The following ZNF827 variants were observed in gnomAD, a reference collection of about 807,000 sequenced individuals.
The protein encoded by ZNF827 is zinc finger protein 827.
A neutral mutation model predicts 102.4 loss-of-function variants in ZNF827; 13 were observed. That is an observed-to-expected ratio of 0.13 (90% CI 0.08 to 0.20). The LOEUF is 0.20. Ranked by LOEUF, ZNF827 falls within the 10% of genes least tolerant of loss-of-function variation. ZNF827 has a pLI of 1.00. For missense variants in ZNF827, 1,103 were observed against 1,344.4 expected (o/e 0.82, Z 2.81); for synonymous variants, 523 against 536.2 (o/e 0.98, Z 0.34).
intron 1 of ZNF827, among the ~76,000 whole-genome samples, chr4:145,925,031 A>C (rs1753327482): frequency 6.6e-6 from 1 of 152,202 alleles, no homozygotes; most frequent in African/African-American, 2.4e-5. Flanking sequence ...TCACAATCAC[A>C]GTGGAAGGCA....
chr4:145,834,152 A>G (rs1744569323), intron 7 of ZNF827, among the ~76,000 whole-genome samples: 1 of 152,180 alleles, frequency 6.6e-6, no homozygotes, highest in African/African-American at 2.4e-5. Flanking sequence ...GTAGTTCCAA[A>G]TAGCCAGAAA....
chr4:145,938,240 C>G (rs947720089), intron 1 of ZNF827, 125 bp downstream of exon 1: 4 of 1,184,372 alleles, frequency 3.4e-6, no homozygotes, highest in Admixed American at 1.7e-5. Context: ...CGGGCTGTGT[C>G]TTTGTCAGTT....
intron 8 of ZNF827, among the ~76,000 whole-genome samples, chr4:145,792,192 A>G (rs571853602): frequency 1.3e-5 from 2 of 152,302 alleles, no homozygotes; most frequent in East Asian, 1.9e-4. Flanking sequence ...TCATGGCCTC[A>G]GATCAAAATA....
At chr4:145,908,715 T>C (rs879488478) in intron 1 of ZNF827, among the ~76,000 whole-genome samples, 2 of 152,222 alleles carry the variant, frequency 1.3e-5, no homozygotes, top group Non-Finnish European at 2.9e-5. Flanking sequence ...GATCACCTAC[T>C]ATGTTCAGGG....
At chr4:145,843,487 C>T (rs958857862) in intron 7 of ZNF827, among the ~76,000 whole-genome samples, 1 of 152,222 alleles carries the variant, frequency 6.6e-6, no homozygotes, top group African/African-American at 2.4e-5. Context: ...CCAGCCAAGG[C>T]AGTTTAGGCT....
At chr4:145,814,769 CAAAAAAAA>C (rs773438540) in intron 8 of ZNF827, among the ~76,000 whole-genome samples, 6 of 74,364 alleles carry the variant, frequency 8.1e-5, no homozygotes, top group East Asian at 5.7e-4. Context: ...ACTAAAAATA[CAAAAAAAA>C]AAAAAAAAAA....
chr4:145,836,371 G>A (rs1744838993), intron 7 of ZNF827, among the ~76,000 whole-genome samples: 1 of 151,974 alleles, frequency 6.6e-6, no homozygotes, highest in African/African-American at 2.4e-5. Flanking sequence ...TACTGTTTTA[G>A]CCTAGCCCTC....
At chr4:145,854,610 T>G (rs1020498472) in intron 5 of ZNF827, among the ~76,000 whole-genome samples, 1 of 152,164 alleles carries the variant, frequency 6.6e-6, no homozygotes, top group Non-Finnish European at 1.5e-5. Context: ...CCCTCCCTAC[T>G]TCATCTCTGA....
At chr4:145,820,620 C>CA (rs1283406754) in intron 8 of ZNF827, among the ~76,000 whole-genome samples, 3 of 152,172 alleles carry the variant, frequency 2.0e-5, no homozygotes, top group African/African-American at 7.2e-5. Context: ...ATTCAACGTG[C>CA]TTATTAGCAA....
intron 8 of ZNF827, chr4:145,820,080 T>G (rs2126470259): frequency 6.5e-6 from 1 of 152,768 alleles, no homozygotes; most frequent in Admixed American, 6.5e-5. Flanking sequence ...CACTGCTGGC[T>G]TCCTTCTCCA....
At chr4:145,772,013 T>C (rs1389616128) in intron 11 of ZNF827, among the ~76,000 whole-genome samples, 3 of 152,346 alleles carry the variant, frequency 2.0e-5, no homozygotes, top group South Asian at 2.1e-4. Context: ...ATACTACTTA[T>C]GGTACCATAG....
intron 11 of ZNF827, among the ~76,000 whole-genome samples, chr4:145,769,189 A>G (rs1302833047): frequency 6.6e-6 from 1 of 151,996 alleles, no homozygotes; most frequent in African/African-American, 2.4e-5. Context: ...TAGAACTGCA[A>G]GTATGTGACC....
At chr4:145,778,290 C>T (rs1737408956) in intron 9 of ZNF827, among the ~76,000 whole-genome samples, 1 of 152,146 alleles carries the variant, frequency 6.6e-6, no homozygotes, top group African/African-American at 2.4e-5. Flanking sequence ...TGCACCACCA[C>T]ATCCGTCTAA....
intron 7 of ZNF827, among the ~76,000 whole-genome samples, chr4:145,837,794 CA>C (rs1560982084): frequency 1.3e-5 from 2 of 151,866 alleles, no homozygotes. Flanking sequence ...TCAATTCATA[CA>C]AAACCGTATC....
intron 5 of ZNF827, among the ~76,000 whole-genome samples, chr4:145,857,362 T>C (rs961435384): frequency 1.3e-5 from 2 of 152,232 alleles, no homozygotes; most frequent in African/African-American, 4.8e-5. Flanking sequence ...GGAATTTCTT[T>C]CTGGGGTACA....
intron 5 of ZNF827, among the ~76,000 whole-genome samples, chr4:145,862,184 G>T (rs1310682807): frequency 6.6e-6 from 1 of 152,186 alleles, no homozygotes; most frequent in Non-Finnish European, 1.5e-5. Flanking sequence ...GTAACAGCAG[G>T]TATGGCCAGA....
rs757302022 is a variant in ZNF827, at chr4:145,903,227, T to A, written c.44-12A>T. On this transcript the variant is annotated splice_polypyrimidine_tract_variant and intron_variant, in intron 1 of 14. Coordinates refer to ENST00000508784, the MANE Select transcript of ZNF827 (RefSeq NM_001306215.2). ...CTGCCTACTAACATCTGGGGAGAAT[T>A]AAGAAGATCAGGTTTACTCCCAAAG... The A allele has an allele frequency of 1.4e-5, 22 of 1,594,118 alleles. No individual in the cohort carries two copies. Among genetic ancestry groups the A allele is most frequent in the Non-Finnish European group, 1.9e-5 (22 of 1,167,782 alleles).
intron 8 of ZNF827, among the ~76,000 whole-genome samples, chr4:145,800,061 T>C (rs748489392): frequency 2.6e-5 from 4 of 152,232 alleles, no homozygotes; most frequent in Admixed American, 6.5e-5. Context: ...TTTTTTCATG[T>C]AAAGTATGCT....
intron 8 of ZNF827, among the ~76,000 whole-genome samples, chr4:145,803,119 A>G (rs1359055248): frequency 6.6e-6 from 1 of 152,120 alleles, no homozygotes; most frequent in Non-Finnish European, 1.5e-5. Context: ...CTAAACACCT[A>G]TCTCTATATG....
Sources: allele counts gnomAD v4.1 joint callset (sites outside exome capture counted in the v4.1 genomes callset), GRCh38; gene constraint gnomAD v4.1.1; transcripts MANE v1.5; gene names NCBI Gene and HGNC (gene_info 2026-07-23, HGNC 2026-07-21).